LSAMP: variants seen among roughly 807,000 people sequenced by gnomAD.
The protein encoded by LSAMP is limbic system associated membrane protein.
In LSAMP, 7 loss-of-function variants were observed where a neutral mutation model predicts 38.6. That is an observed-to-expected ratio of 0.18 (90% CI 0.10 to 0.34). The LOEUF (loss-of-function observed/expected upper bound fraction) is 0.34, where lower values mean the gene tolerates loss of function less well. Among genes scored for constraint, LSAMP ranks in the 10% least tolerant of loss-of-function variants. The pLI is 1.00. For synonymous variants in LSAMP, 154 were observed against 166.8 expected (o/e 0.92, Z 0.59); for missense variants, 313 against 420.0 (o/e 0.75, Z 2.23).
chr3:116,003,871 G>C (rs1940072025), intron 3 of LSAMP, among the ~76,000 whole-genome samples: 1 of 152,170 alleles, frequency 6.6e-6, no homozygotes, highest in African/African-American at 2.4e-5. Context: ...CCAATACCTT[G>C]ATTTTGGAAT....
intron 6 of LSAMP, among the ~76,000 whole-genome samples, chr3:115,818,099 A>G (rs1934088520): frequency 6.6e-6 from 1 of 152,190 alleles, no homozygotes; most frequent in African/African-American, 2.4e-5. Flanking sequence ...CCACTTCTCT[A>G]GACAGAACCT....
At chr3:116,152,750 A>C (rs1709641145) in intron 1 of LSAMP, among the ~76,000 whole-genome samples, 1 of 152,116 alleles carries the variant, frequency 6.6e-6, no homozygotes, top group Admixed American at 6.6e-5. Context: ...TCCAAAGCTC[A>C]TCAGATTCAA....
At chr3:116,366,911 C>G (rs1352668196) in intron 1 of LSAMP, among the ~76,000 whole-genome samples, 1 of 152,176 alleles carries the variant, frequency 6.6e-6, no homozygotes, top group Non-Finnish European at 1.5e-5. Context: ...ACCGCATTGC[C>G]TAGACCTTCA....
At chr3:116,034,287 C>A (rs141918284) in intron 2 of LSAMP, among the ~76,000 whole-genome samples, 8 of 152,064 alleles carry the variant, frequency 5.3e-5, no homozygotes, top group South Asian at 4.2e-4. Context: ...CCAAACAGCT[C>A]CAGATGGACT....
intron 2 of LSAMP, among the ~76,000 whole-genome samples, chr3:116,020,877 T>C (rs1440744962): frequency 6.6e-6 from 1 of 152,194 alleles, no homozygotes; most frequent in Non-Finnish European, 1.5e-5. Context: ...AGGAGTTCAA[T>C]AATGAATTGT....
intron 2 of LSAMP, among the ~76,000 whole-genome samples, chr3:116,085,467 T>C (rs777357090): frequency 2.6e-5 from 4 of 152,190 alleles, no homozygotes; most frequent in Non-Finnish European, 4.4e-5. Flanking sequence ...TTGCATTAAA[T>C]TTACATAGAA....
rs541463096 is a variant in LSAMP at position 116,120,766 on chromosome 3, CA to C, written c.156-34211del. Among the ~76,000 whole-genome samples the C allele has an allele frequency of 2.5e-3, 378 of 152,298 alleles. 2 individuals are homozygous for C. Among genetic ancestry groups the C allele is most frequent in the Non-Finnish European group, 4.6e-3 (315 of 68,018 alleles). On this transcript the variant is annotated intron_variant, in intron 1 of 6. Coordinates refer to ENST00000490035, the MANE Select transcript of LSAMP (RefSeq NM_002338.5). ...AAAAACTCCTTATAATAAATACATG[CA>C]AAGTTTGTGTTTGGTTTAAGAGTTT... is the stretch of plus-strand genomic sequence containing the variant.
At chr3:116,186,845 T>C (rs1710630811) in intron 1 of LSAMP, among the ~76,000 whole-genome samples, 1 of 152,146 alleles carries the variant, frequency 6.6e-6, no homozygotes, top group African/African-American at 2.4e-5. Context: ...AACTGGATAT[T>C]ATACTTGAAT....
At position 116,019,475 on chromosome 3, in the gene LSAMP, A is replaced by G. The variant is rs1021205695; in HGVS notation, c.514+40T>C. 1.9e-6 allele frequency: 3 copies of G among 1,602,066 alleles called. No individual in the cohort carries two copies. In the African/African-American group the frequency reaches 4.0e-5, roughly 21 times the overall value. ...AATTCCAGGAGCATGAGCATATTTT[A>G]AACAGCATGTGGCATATTGGAACCT... On this transcript the variant is annotated intron_variant, in intron 3 of 6. Coordinates refer to ENST00000490035, the MANE Select transcript of LSAMP (RefSeq NM_002338.5).
At chr3:115,988,211 A>G (rs1298767090) in intron 3 of LSAMP, among the ~76,000 whole-genome samples, 1 of 152,144 alleles carries the variant, frequency 6.6e-6, no homozygotes, top group Non-Finnish European at 1.5e-5. Context: ...TTTCATTACA[A>G]TGCTTCAGAA....
intron 3 of LSAMP, among the ~76,000 whole-genome samples, chr3:115,901,301 TA>T (rs1296142237): frequency 1.3e-5 from 2 of 152,056 alleles, no homozygotes; most frequent in Non-Finnish European, 1.5e-5. Context: ...GTAATATGTA[TA>T]ATAATACATT....
rs536197310 is a variant in LSAMP at position 116,004,870 on chromosome 3, G to A, written c.514+14645C>T. The stretch of plus-strand genomic sequence containing the variant: ...GATTGCCTGTAGAGCTCTGGACTTG[G>A]GTTCTGAAAATTCATAGAATCACAC... On this transcript the variant is annotated intron_variant, in intron 3 of 6. Transcript: ENST00000490035. Among the ~76,000 whole-genome samples the A allele has an allele frequency of 7.2e-5, 11 of 152,082 alleles. No individual in the cohort carries two copies. In the South Asian group the frequency reaches 2.1e-3, roughly 29 times the overall value.
chr3:116,329,902 C>A (rs964897040), intron 1 of LSAMP, among the ~76,000 whole-genome samples: 24 of 152,056 alleles, frequency 1.6e-4, no homozygotes, highest in Non-Finnish European at 2.2e-4. Context: ...ATACTGATAA[C>A]TTACATTAAA....
At chr3:116,097,218 G>GA (rs1708243809) in intron 1 of LSAMP, among the ~76,000 whole-genome samples, 1 of 151,854 alleles carries the variant, frequency 6.6e-6, no homozygotes, top group East Asian at 1.9e-4. Context: ...GTTCTAGATG[G>GA]AAAAAAAATA....
At chr3:116,081,107 T>C (rs2107409258) in intron 2 of LSAMP, among the ~76,000 whole-genome samples, 1 of 152,282 alleles carries the variant, frequency 6.6e-6, no homozygotes, top group African/African-American at 2.4e-5. Flanking sequence ...GTTAACAGAA[T>C]TGCAAAACTT....
At chr3:115,962,774 T>C (rs1938671831) in intron 3 of LSAMP, among the ~76,000 whole-genome samples, 1 of 152,202 alleles carries the variant, frequency 6.6e-6, no homozygotes, top group Non-Finnish European at 1.5e-5. Flanking sequence ...TTCGCATGGG[T>C]AGATGGAGCC....
chr3:115,872,407 A>G lies in LSAMP; in HGVS notation c.515-19790T>C, dbSNP rs1397063010. ...CCTGCGGCATCACCTGCACCTTACT[A>G]TAGAGCTCAAAGAATTAGCAAAGGC... On this transcript the variant is annotated intron_variant, in intron 3 of 6. Transcript: ENST00000490035. 2.6e-5 allele frequency among the ~76,000 whole-genome samples: 4 copies of G among 152,222 alleles called. No homozygotes were observed. In the East Asian group the frequency reaches 5.8e-4, roughly 22 times the overall value.
At chr3:115,892,696 T>G (rs772633451) in intron 3 of LSAMP, among the ~76,000 whole-genome samples, 1 of 151,796 alleles carries the variant, frequency 6.6e-6, no homozygotes, top group South Asian at 2.1e-4. Flanking sequence ...CTTTTTAGTA[T>G]GTATATACTT....
At chr3:116,294,688 G>A (rs181517531) in intron 1 of LSAMP, among the ~76,000 whole-genome samples, 184 of 152,252 alleles carry the variant, frequency 1.2e-3, no homozygotes, top group African/African-American at 4.3e-3. Flanking sequence ...ATTAAGAAAT[G>A]TTATGAAGCT....
Sources: gnomAD v4.1 joint callset for allele counts (sites outside exome capture counted in the v4.1 genomes callset) on GRCh38, gnomAD v4.1.1 for gene constraint, MANE v1.5 for transcripts, NCBI Gene and HGNC (gene_info 2026-07-23, HGNC 2026-07-21) for gene names.